Variants in ABTB3 observed in about 807,000 individuals in gnomAD.
ABTB3 encodes ankyrin repeat- and BTB/POZ domain-containing protein 3.
At chr12:107,529,302 A>T in the ABTB3 span, among the ~76,000 whole-genome samples, 13,951 of 149,468 alleles carry the variant, frequency 0.093, 765 homozygotes, top group Non-Finnish European at 0.11. Flanking sequence ...GGTGATGGTG[A>T]TGATGATGAT....
At chr12:107,551,307 T>C in the ABTB3 span, among the ~76,000 whole-genome samples, 1 of 152,130 alleles carries the variant, frequency 6.6e-6, no homozygotes, top group Non-Finnish European at 1.5e-5. Flanking sequence ...AGACCTGGAA[T>C]CTCAACCACC....
chr12:107,470,906 C>T, the ABTB3 span, among the ~76,000 whole-genome samples: 1 of 152,212 alleles, frequency 6.6e-6, no homozygotes, highest in Non-Finnish European at 1.5e-5. Flanking sequence ...TTGGGCCAAT[C>T]TGGGGGTGAC....
chr12:107,360,762 T>C, the ABTB3 span, among the ~76,000 whole-genome samples: 2 of 152,080 alleles, frequency 1.3e-5, no homozygotes, highest in African/African-American at 4.8e-5. Flanking sequence ...TGGCTTTTTG[T>C]ATTTTTTCTG....
the ABTB3 span, chr12:107,319,598 A>C: frequency 6.5e-7 from 1 of 1,537,764 alleles, no homozygotes; most frequent in Non-Finnish European, 8.7e-7. Context: ...GTATCGCTGG[A>C]TGGTGGACAG....
the ABTB3 span, among the ~76,000 whole-genome samples, chr12:107,441,774 C>CAAAAAAAAAAAAAAAAAAAAA: frequency 1.0e-3 from 82 of 80,028 alleles, 7 homozygotes; most frequent in African/African-American, 4.5e-3. Context: ...CTTGTCTCTA[C>CAAAAAAAAAAAAAAAAAAAAA]AAAAAAAAAA....
chr12:107,456,303 C>G, the ABTB3 span, among the ~76,000 whole-genome samples: 1 of 152,178 alleles, frequency 6.6e-6, no homozygotes, highest in Non-Finnish European at 1.5e-5. Context: ...AGGAACTGGG[C>G]CGCATAGCAG....
At chr12:107,429,975 T>C in the ABTB3 span, among the ~76,000 whole-genome samples, 1 of 152,252 alleles carries the variant, frequency 6.6e-6, no homozygotes, top group Non-Finnish European at 1.5e-5. Context: ...CTAATAAGCA[T>C]GAAGAACAGA....
chr12:107,353,217 G>A, the ABTB3 span, among the ~76,000 whole-genome samples: 1 of 152,196 alleles, frequency 6.6e-6, no homozygotes, highest in Non-Finnish European at 1.5e-5. Context: ...CAAACATGTA[G>A]GGAGTACCCA....
At chr12:107,485,043 A>T in the ABTB3 span, among the ~76,000 whole-genome samples, 2 of 152,258 alleles carry the variant, frequency 1.3e-5, no homozygotes, top group East Asian at 3.9e-4. Flanking sequence ...ACCTCCACAT[A>T]TGTTCTATCT....
chr12:107,588,866 C>A, the ABTB3 span, among the ~76,000 whole-genome samples: 3 of 152,086 alleles, frequency 2.0e-5, no homozygotes, highest in Non-Finnish European at 4.4e-5. Flanking sequence ...GTGAGAGAGT[C>A]CTTATCAGGC....
chr12:107,519,126 C>G, the ABTB3 span, among the ~76,000 whole-genome samples: 2 of 152,202 alleles, frequency 1.3e-5, no homozygotes, highest in East Asian at 1.9e-4. Flanking sequence ...CATCCCCACT[C>G]TCTCAGTGGC....
chr12:107,350,568 T>C, the ABTB3 span, among the ~76,000 whole-genome samples: 4 of 151,852 alleles, frequency 2.6e-5, no homozygotes. Flanking sequence ...AAATTATTAT[T>C]CTGCTTCCCC....
At chr12:107,406,950 C>T in the ABTB3 span, among the ~76,000 whole-genome samples, 8 of 152,172 alleles carry the variant, frequency 5.3e-5, no homozygotes, top group South Asian at 2.1e-4. Context: ...GAGAAGCCTG[C>T]GCTTTGAGTC....
the ABTB3 span, among the ~76,000 whole-genome samples, chr12:107,448,347 A>G: frequency 4.8e-3 from 726 of 152,270 alleles, 10 homozygotes; most frequent in African/African-American, 0.017. Flanking sequence ...CTTGAGTCTC[A>G]CATCCAGGGT....
the ABTB3 span, among the ~76,000 whole-genome samples, chr12:107,645,691 T>C: frequency 6.6e-6 from 1 of 152,226 alleles, no homozygotes; most frequent in Non-Finnish European, 1.5e-5. Context: ...GGGAGGTTCC[T>C]GTAATAAGAA....
the ABTB3 span, among the ~76,000 whole-genome samples, chr12:107,326,307 G>C: frequency 2.4e-4 from 36 of 152,318 alleles, no homozygotes; most frequent in South Asian, 7.5e-3. Flanking sequence ...GAGTGGGGTT[G>C]GAGGAGGTAG....
At chr12:107,484,153 T>G in the ABTB3 span, among the ~76,000 whole-genome samples, 1 of 152,224 alleles carries the variant, frequency 6.6e-6, no homozygotes, top group East Asian at 1.9e-4. Context: ...TTTGTAGAGC[T>G]GACCATGAAC....
chr12:107,399,328 T>C, the ABTB3 span, among the ~76,000 whole-genome samples: 1 of 152,152 alleles, frequency 6.6e-6, no homozygotes, highest in African/African-American at 2.4e-5. Context: ...ACAAAGGATG[T>C]CAGGGAACAC....
At chr12:107,420,848 C>G in the ABTB3 span, among the ~76,000 whole-genome samples, 456 of 152,314 alleles carry the variant, frequency 3.0e-3, 1 homozygote, top group Non-Finnish European at 5.0e-3. Context: ...GTAGAGGACA[C>G]TACCCCATCC....
Sources: gnomAD v4.1 joint callset for allele counts (sites outside exome capture counted in the v4.1 genomes callset) on GRCh38, gnomAD v4.1.1 for gene constraint, MANE v1.5 for transcripts, NCBI Gene and HGNC (gene_info 2026-07-23, HGNC 2026-07-21) for gene names.